The following PACS1 variants were observed in gnomAD, a reference collection of about 807,000 sequenced individuals.
PACS1 encodes the protein phosphofurin acidic cluster sorting protein 1, also known as PACS-1.
In PACS1, 24 loss-of-function variants were observed where a neutral mutation model predicts 115.0. That is an observed-to-expected ratio of 0.21 (90% CI 0.15 to 0.29). The LOEUF is 0.29. PACS1 is among the 10% of genes least tolerant of loss of function. The probability of loss-of-function intolerance (pLI) is 1.00; values close to 1 mark genes in which losing one functional copy is unlikely to be tolerated. For synonymous variants in PACS1, 453 were observed against 504.5 expected (o/e 0.90, Z 1.37); for missense variants, 838 against 1,251.2 (o/e 0.67, Z 4.98).
intron 1 of PACS1, among the ~76,000 whole-genome samples, chr11:66,091,265 C>T (rs1435371131): frequency 1.3e-5 from 2 of 152,084 alleles, no homozygotes; most frequent in Middle Eastern, 3.4e-3. Flanking sequence ...CTCAACCTCC[C>T]GAGTCTCTAG....
rs923210936 is a variant in PACS1, at chr11:66,230,739, C to T, written c.1491-66C>T. The T allele has an allele frequency of 4.3e-6, 7 of 1,612,234 alleles. No individual in the cohort carries two copies. In the South Asian group the frequency reaches 4.4e-5, roughly 10 times the overall value. Reference sequence around the variant, plus strand: ...CATGGGCTTCAGGGCTGAGGGAAAGCGGGGCTGGCAGCAGCTTTGGGGTTG... The same window carrying T: ...CATGGGCTTCAGGGCTGAGGGAAAGTGGGGCTGGCAGCAGCTTTGGGGTTG... On this transcript the variant is annotated intron_variant, in intron 12 of 23. Coordinates refer to ENST00000320580, the MANE Select transcript of PACS1 (RefSeq NM_018026.4).
intron 7 of PACS1, chr11:66,219,520 G>A (rs1855291749): frequency 3.0e-6 from 2 of 672,294 alleles, no homozygotes; most frequent in South Asian, 1.5e-5. Flanking sequence ...GAGGACCTGG[G>A]GATAGACATT....
chr11:66,083,702 A>G (rs1211850901), intron 1 of PACS1, among the ~76,000 whole-genome samples: 2 of 152,236 alleles, frequency 1.3e-5, no homozygotes, highest in African/African-American at 4.8e-5. Flanking sequence ...GAACAGCTAT[A>G]GAAGAATGAC....
intron 1 of PACS1, among the ~76,000 whole-genome samples, chr11:66,072,470 C>G (rs1376447328): frequency 6.6e-6 from 1 of 152,118 alleles, no homozygotes; most frequent in Non-Finnish European, 1.5e-5. Flanking sequence ...TAGATTGTTT[C>G]CACAGGCTGC....
Position 66,238,942 on chromosome 11 carries a change from T to C in PACS1, c.2293+96T>C, listed in dbSNP as rs529293462. The C allele has an allele frequency of 5.0e-6, 7 of 1,397,886 alleles. No homozygotes were observed. In the African/African-American group the frequency reaches 1.0e-4, roughly 20 times the overall value. 86.6% of individuals were successfully genotyped at this position (1,397,886 alleles called of 1,614,324 possible). A position where few individuals can be genotyped will look rare whatever the true frequency, so the allele number is the denominator to read the frequency against. ...GCCAGAAGTTAAGCTCTGGATGCCC[T>C]GAGGGAAGTCAGAGCTTGAGCAGGA... On this transcript the variant is annotated intron_variant, in intron 20 of 23. Transcript: ENST00000320580.
intron 1 of PACS1, among the ~76,000 whole-genome samples, chr11:66,169,945 G>A (rs2134637887): frequency 6.6e-6 from 1 of 150,562 alleles, no homozygotes; most frequent in Admixed American, 6.6e-5. Flanking sequence ...AAGATAATCT[G>A]GACTTGGTGT....
rs1056194855 is a variant in PACS1 at position 66,216,388 on chromosome 11, G to C, written c.805+125G>C. ...TAGAGACCCCTGAAAGTAAAATGTGGCTTCGGCCCTGGCCCTCCCCTCCAC... is the reference window on the plus strand; with the variant it reads ...TAGAGACCCCTGAAAGTAAAATGTGCCTTCGGCCCTGGCCCTCCCCTCCAC... On this transcript the variant is annotated intron_variant, in intron 5 of 23. Coordinates refer to ENST00000320580, the MANE Select transcript of PACS1 (RefSeq NM_018026.4). 17 of 1,420,124 alleles carry C rather than the reference G, an allele frequency of 1.2e-5. No homozygotes were observed. The Admixed American group carries it at 3.1e-4, about 26-fold the overall frequency. 88.0% of individuals were successfully genotyped at this position (1,420,124 alleles called of 1,614,324 possible).
At chr11:66,188,157 G>A (rs930562857) in intron 1 of PACS1, among the ~76,000 whole-genome samples, 2 of 140,354 alleles carry the variant, frequency 1.4e-5, no homozygotes, top group Non-Finnish European at 3.1e-5. Flanking sequence ...TTTTTTAATC[G>A]GATTTTTTTT....
At chr11:66,208,018 C>A (rs10896099) in intron 2 of PACS1, among the ~76,000 whole-genome samples, 1 of 152,022 alleles carries the variant, frequency 6.6e-6, no homozygotes, top group Non-Finnish European at 1.5e-5. Context: ...ATCCGCCCAC[C>A]TCAGCCTCCC....
chr11:66,229,572 G>T (rs1027455953), intron 11 of PACS1, among the ~76,000 whole-genome samples: 3 of 151,956 alleles, frequency 2.0e-5, no homozygotes, highest in Non-Finnish European at 4.4e-5. Flanking sequence ...CCAGCAACTC[G>T]GGAGGCTGAG....
chr11:66,191,685 A>G (rs1221712231), intron 1 of PACS1, among the ~76,000 whole-genome samples: 1 of 152,194 alleles, frequency 6.6e-6, no homozygotes, highest in Admixed American at 6.5e-5. Flanking sequence ...AAAGCAAAGA[A>G]AGAGATTTAT....
intron 10 of PACS1, among the ~76,000 whole-genome samples, chr11:66,227,026 G>T (rs1855481826): frequency 1.3e-5 from 2 of 152,074 alleles, no homozygotes; most frequent in South Asian, 2.1e-4. Flanking sequence ...CCTGTTAGAG[G>T]GTTTTCTGGA....
intron 1 of PACS1, among the ~76,000 whole-genome samples, chr11:66,164,264 A>ATGAAC (rs1352957629): frequency 1.3e-5 from 2 of 152,040 alleles, no homozygotes; most frequent in African/African-American, 4.8e-5. Flanking sequence ...TTTTCAGTTC[A>ATGAAC]TCACTCAAGT....
At chr11:66,230,151 A>C (rs1471369861) in intron 11 of PACS1, among the ~76,000 whole-genome samples, 1 of 150,818 alleles carries the variant, frequency 6.6e-6, no homozygotes, top group Non-Finnish European at 1.5e-5. Flanking sequence ...AAAAAAAAAA[A>C]AAGAAAAAAA....
intron 1 of PACS1, among the ~76,000 whole-genome samples, chr11:66,169,819 G>C (rs1057041144): frequency 6.7e-6 from 1 of 150,150 alleles, no homozygotes; most frequent in African/African-American, 2.5e-5. Context: ...GGGTACTGAG[G>C]TTATGTTAAT....
At chr11:66,127,317 C>T (rs566398251) in intron 1 of PACS1, among the ~76,000 whole-genome samples, 1 of 152,316 alleles carries the variant, frequency 6.6e-6, no homozygotes, top group South Asian at 2.1e-4. Flanking sequence ...CAACCTTCCC[C>T]TGCTTCACCG....
At chr11:66,208,197 C>G (rs550762160) in intron 2 of PACS1, among the ~76,000 whole-genome samples, 1 of 152,270 alleles carries the variant, frequency 6.6e-6, no homozygotes, top group East Asian at 1.9e-4. Context: ...AGGCGTTTTT[C>G]CATGTGTGGA....
chr11:66,088,483 C>T (rs1857608632), intron 1 of PACS1, among the ~76,000 whole-genome samples: 1 of 152,162 alleles, frequency 6.6e-6, no homozygotes, highest in Non-Finnish European at 1.5e-5. Flanking sequence ...GATACTCAAC[C>T]CTGTACCATT....
Position 66,221,047 on chromosome 11 carries a change from A to T in PACS1, c.1200-107A>T. ...CTTCCCTGCTCACCGGGCGTTCTGGACACCTGTAGCTTGTTGACCCACCCT... is the reference window on the plus strand; with the variant it reads ...CTTCCCTGCTCACCGGGCGTTCTGGTCACCTGTAGCTTGTTGACCCACCCT... On this transcript the variant is annotated intron_variant, in intron 9 of 23. Coordinates refer to ENST00000320580, the MANE Select transcript of PACS1 (RefSeq NM_018026.4). 5 of 1,094,196 alleles carry T rather than the reference A, an allele frequency of 4.6e-6. No homozygotes were observed. In the South Asian group the frequency reaches 6.4e-5, roughly 14 times the overall value. 67.8% of individuals were successfully genotyped at this position (1,094,196 alleles called of 1,614,324 possible).
Sources: gnomAD v4.1 joint callset for allele counts (sites outside exome capture counted in the v4.1 genomes callset) on GRCh38, gnomAD v4.1.1 for gene constraint, MANE v1.5 for transcripts, NCBI Gene and HGNC (gene_info 2026-07-23, HGNC 2026-07-21) for gene names.